The following TMEM232 variants were observed in gnomAD, a reference collection of about 807,000 sequenced individuals.
TMEM232 encodes transmembrane protein 232.
TMEM232 carries 80 observed loss-of-function variants against 78.8 expected under a neutral mutation model. The observed-to-expected ratio is 1.01, with a 90% confidence interval of 0.85 to 1.22. The LOEUF (loss-of-function observed/expected upper bound fraction) is 1.22. Ranked by LOEUF, TMEM232 falls within the 50% of genes most tolerant of loss-of-function variation. The pLI, the probability that TMEM232 is intolerant of heterozygous loss-of-function variation, is 0.00. For missense variants in TMEM232, 881 were observed against 742.2 expected, an observed-to-expected ratio of 1.19 and a Z score of -2.17; for synonymous variants, 297 against 254.3, an observed-to-expected ratio of 1.17 and a Z score of -1.60.
chr5:110,591,109 C>T (rs148648426), intron 10 of TMEM232, among the ~76,000 whole-genome samples: 3,215 of 152,176 alleles, frequency 0.021, 37 homozygotes, highest in Admixed American at 0.025. Flanking sequence ...TTCACAAAAC[C>T]ATGATTTAAA....
Position 110,735,843 on chromosome 5 carries a change from T to C in TMEM232, c.-125-828A>G, listed in dbSNP as rs545618786. Among the ~76,000 whole-genome samples the C allele has an allele frequency of 5.6e-4, 86 of 152,308 alleles. 1 individual carries two copies. Among genetic ancestry groups the C allele is most frequent in the African/African-American group, 2.0e-3 (83 of 41,570 alleles). On this transcript the variant is annotated intron_variant, in intron 1 of 4. Transcript: ENST00000512886. ...GCAAGAAATAAAGACATTCTTTCTA[T>C]AGCTGTCTGAGTAAGAGATCTTAGA...
chr5:110,652,162 T>A (rs1176571994), intron 2 of TMEM232, among the ~76,000 whole-genome samples: 1 of 152,104 alleles, frequency 6.6e-6, no homozygotes, highest in Non-Finnish European at 1.5e-5. Context: ...TTTTCTAAGA[T>A]CCCTAAGAAT....
intron 4 of TMEM232, among the ~76,000 whole-genome samples, chr5:110,640,027 T>A (rs1786448690): frequency 6.6e-6 from 1 of 152,148 alleles, no homozygotes; most frequent in Admixed American, 6.6e-5. Flanking sequence ...TTCACCCCCC[T>A]CGGGTTGGGC....
chr5:110,709,310 G>C (rs1193631719), intron 1 of TMEM232, among the ~76,000 whole-genome samples: 1 of 152,070 alleles, frequency 6.6e-6, no homozygotes, highest in Non-Finnish European at 1.5e-5. Context: ...CCCACTTTCA[G>C]CATTAGACAC....
chr5:110,587,571 T>C (rs1778965012), intron 10 of TMEM232, among the ~76,000 whole-genome samples: 1 of 151,094 alleles, frequency 6.6e-6, no homozygotes. Context: ...ACTCTTTCCT[T>C]GAAAATAGAA....
chr5:110,667,585 T>A (rs1790760124), intron 1 of TMEM232: 1 of 269,368 alleles, frequency 3.7e-6, no homozygotes, highest in Non-Finnish European at 6.8e-6. Flanking sequence ...CAGTCTTTAT[T>A]ATGCTTTAGC....
chr5:110,717,670 T>G (rs1320158182), intron 1 of TMEM232, among the ~76,000 whole-genome samples: 1 of 152,092 alleles, frequency 6.6e-6, no homozygotes, highest in South Asian at 2.1e-4. Context: ...GAGAGGAACT[T>G]GGTGGGAGGT....
chr5:110,398,981 G>T (rs1327970903), intron 2 of TMEM232, among the ~76,000 whole-genome samples: 1 of 152,076 alleles, frequency 6.6e-6, no homozygotes, highest in Non-Finnish European at 1.5e-5. Context: ...ACATCTGGGG[G>T]TATTTCTGGA....
intron 10 of TMEM232, among the ~76,000 whole-genome samples, chr5:110,572,637 A>G (rs367676022): frequency 6.6e-6 from 1 of 152,064 alleles, no homozygotes; most frequent in African/African-American, 2.4e-5. Flanking sequence ...TCAATGATAA[A>G]CCATAAAATA....
intron 1 of TMEM232, among the ~76,000 whole-genome samples, chr5:110,669,621 A>T (rs891546528): frequency 1.3e-5 from 2 of 152,142 alleles, no homozygotes; most frequent in Non-Finnish European, 2.9e-5. Context: ...ATCCTCCCTA[A>T]CTCATTTTAT....
chr5:110,428,815 AACTC>A (rs1580637618), intron 12 of TMEM232, among the ~76,000 whole-genome samples: 3 of 151,888 alleles, frequency 2.0e-5, no homozygotes, highest in East Asian at 1.9e-4. Flanking sequence ...CATCTACAAA[AACTC>A]ACTCTCTCTC....
At chr5:110,717,569 ATT>A (rs1797145101) in intron 1 of TMEM232, among the ~76,000 whole-genome samples, 1 of 152,112 alleles carries the variant, frequency 6.6e-6, no homozygotes, top group Non-Finnish European at 1.5e-5. Flanking sequence ...GATTTAAGTC[ATT>A]GTGTTTATAT....
At chr5:110,690,819 T>C (rs1206294483) in intron 1 of TMEM232, among the ~76,000 whole-genome samples, 4 of 152,124 alleles carry the variant, frequency 2.6e-5, no homozygotes, top group Non-Finnish European at 5.9e-5. Flanking sequence ...TTCATGTCCT[T>C]TGAAGGGACA....
intron 12 of TMEM232, among the ~76,000 whole-genome samples, chr5:110,516,879 AC>A (rs1402059778): frequency 2.0e-5 from 3 of 152,218 alleles, no homozygotes; most frequent in Non-Finnish European, 2.9e-5. Flanking sequence ...TGTAGCAGAT[AC>A]TTCATTAACA....
chr5:110,543,510 G>A (rs1313268307), intron 11 of TMEM232, among the ~76,000 whole-genome samples: 1 of 152,158 alleles, frequency 6.6e-6, no homozygotes, highest in East Asian at 1.9e-4. Context: ...CCACTTGCCA[G>A]TCATCAATGT....
chr5:110,461,447 T>C (rs1761517802), intron 12 of TMEM232, among the ~76,000 whole-genome samples: 1 of 152,108 alleles, frequency 6.6e-6, no homozygotes, highest in South Asian at 2.1e-4. Flanking sequence ...CTTAAGGAAA[T>C]AAGTTGTTCC....
At chr5:110,730,511 T>C (rs1463433215), upstream of TMEM232, among the ~76,000 whole-genome samples, 1 of 152,192 alleles carries the variant, frequency 6.6e-6, no homozygotes, top group Non-Finnish European at 1.5e-5. Flanking sequence ...GATAAGTACA[T>C]ACCCAAAACT....
In TMEM232 at chr5:110,414,169, G is replaced by A. The variant is rs371273190; in HGVS notation, n.308+10654C>T. ...GGTCTTTGTCAAAATCCTTAGAAAG[G>A]TCATTCCTGCTGTTATTTTTGTTCT... On this transcript the variant is annotated intron_variant and non_coding_transcript_variant, in intron 2 of 8. Transcript: ENST00000507188. Among the ~76,000 whole-genome samples, 5 of 152,160 alleles carry A rather than the reference G, an allele frequency of 3.3e-5. No homozygotes were observed. The South Asian group carries it at 6.2e-4, about 19-fold the overall frequency.
intron 12 of TMEM232, among the ~76,000 whole-genome samples, chr5:110,524,396 AAAGAAAG>A (rs1351239549): frequency 1.7e-4 from 12 of 71,406 alleles, no homozygotes; most frequent in South Asian, 4.5e-4. Context: ...AGAAAGAAAG[AAAGAAAG>A]AAAGAAAGAA....
Sources: allele counts gnomAD v4.1 joint callset (sites outside exome capture counted in the v4.1 genomes callset), GRCh38; gene constraint gnomAD v4.1.1; transcripts MANE v1.5; gene names NCBI Gene and HGNC (gene_info 2026-07-23, HGNC 2026-07-21).